SLC9A3: variants seen among roughly 807,000 people sequenced by gnomAD.
SLC9A3 encodes the protein solute carrier family 9 member A3, also known as sodium/hydrogen exchanger 3.
A neutral mutation model predicts 86.8 loss-of-function variants in SLC9A3; 37 were observed. The ratio of observed to expected loss-of-function variants is 0.43; its 90% CI spans 0.33 to 0.56. The LOEUF is 0.56. Among genes scored for constraint, SLC9A3 ranks in the 20% least tolerant of loss-of-function variants. The pLI, the probability that SLC9A3 is intolerant of heterozygous loss-of-function variation, is 0.06. For synonymous variants in SLC9A3, 581 were observed against 528.3 expected (o/e 1.10, Z -1.37); for missense variants, 1,011 against 1,171.9 (o/e 0.86, Z 2.00).
intron 1 of SLC9A3, among the ~76,000 whole-genome samples, chr5:494,940 C>A (rs1739953394): frequency 6.6e-6 from 1 of 152,180 alleles, no homozygotes; most frequent in South Asian, 2.1e-4. Flanking sequence ...CACCTGTCCT[C>A]CTCTTTTCAG....
At position 491,994 on chromosome 5, in the gene SLC9A3, C is replaced by A; in HGVS notation, c.289G>T (p.Gly97Cys). Reference protein sequence around the residue: ...LLIVLGLVLGGIVWAADHIAS... With the variant: ...LLIVLGLVLGCIVWAADHIAS... The stretch of plus-strand genomic sequence containing the variant: ...ATGTGGTCGGCCGCCCAGACGATGC[C>A]GCCCAGCACCAGGCCCAGCACGATG... Residue 97 changes from glycine (G) to cysteine (C), a missense_variant, in exon 2 of 17, where the codon GGC becomes TGC. By Grantham distance (159) the Gly-to-Cys change is radical (BLOSUM62 -3). Around this residue, in one of 3 missense-constraint regions of SLC9A3, gnomAD observed 565 missense variants for 790.0 expected, o/e 0.72. Coordinates refer to ENST00000264938, the MANE Select transcript of SLC9A3 (RefSeq NM_004174.4). This position sits in a 1 kb window ranked among gnomAD's most constrained non-coding sequence, Gnocchi z 9.2. The A allele has an allele frequency of 6.3e-7, 1 of 1,599,978 alleles. No individual in the cohort carries two copies. Among genetic ancestry groups the A allele is most frequent in the South Asian group, 1.1e-5 (1 of 89,436 alleles).
At chr5:485,293 C>A in intron 3 of SLC9A3, 62 bp from the exon 4 acceptor site, 1 of 1,391,374 alleles carries the variant, frequency 7.2e-7, no homozygotes. Context: ...CTCTCCGGGG[C>A]CCGGGCCTCG....
chr5:471,996 C>T lies in SLC9A3; in HGVS notation c.*1383G>A, dbSNP rs934969153. 2.2e-6 allele frequency: 1 copy of T among 456,534 alleles called. No homozygotes were observed. The highest frequency in any genetic ancestry group is 2.0e-5 in the African/African-American group (1 of 50,092). The allele number at this position is 456,534 out of a possible 1,614,324, so 28.3% of individuals were successfully genotyped here. ...ACGTGAATAGTTTAATTTTCCTGAG[C>T]AAGGAGCTGCGAGTCTAGCTTTAGA... On this transcript the variant is annotated 3_prime_UTR_variant, in exon 17 of 17. Transcript: ENST00000264938.
rs1322128665 is a variant in SLC9A3, at chr5:479,775, C to A, written c.1647+61G>T. 8 of 1,590,752 alleles carry A rather than the reference C, an allele frequency of 5.0e-6. No individual in the cohort carries two copies. In the East Asian group the frequency reaches 1.8e-4, roughly 36 times the overall value. ...GGCCTCTCCTCACTGCCCCATGGCA[C>A]CCACAGCCAGTGCCAGAGCCTGCTG... On this transcript the variant is annotated intron_variant, in intron 10 of 16. Coordinates refer to ENST00000264938, the MANE Select transcript of SLC9A3 (RefSeq NM_004174.4).
intron 1 of SLC9A3, among the ~76,000 whole-genome samples, chr5:495,383 C>T (rs1490790877): frequency 6.7e-6 from 1 of 148,736 alleles, no homozygotes; most frequent in South Asian, 2.2e-4. Flanking sequence ...CAGTGCTCCC[C>T]GCGCCATCGC....
intron 1 of SLC9A3, among the ~76,000 whole-genome samples, chr5:516,266 C>A (rs1182869680): frequency 6.6e-6 from 1 of 151,496 alleles, no homozygotes; most frequent in African/African-American, 2.4e-5. Flanking sequence ...AGTGGGATCC[C>A]CACTGCCTAC....
rs1738605329 is a variant in SLC9A3, at chr5:474,798, A to G, written c.2501+85T>C. 4 of 428,876 alleles carry G rather than the reference A, an allele frequency of 9.3e-6. 1 individual carries two copies. Among genetic ancestry groups the G allele is most frequent in the South Asian group, 4.7e-5 (2 of 42,656 alleles). The allele number at this position is 428,876 out of a possible 1,614,324, so 26.6% of individuals were successfully genotyped here. On this transcript the variant is annotated intron_variant, in intron 16 of 16. Coordinates refer to ENST00000264938, the MANE Select transcript of SLC9A3 (RefSeq NM_004174.4). ...GCGGAGAGGGGTTAGGCGGGGAGGG[A>G]GAGAGACAGCGCGCGCGAGGCGGAG...
chr5:520,632 G>A (rs1411048149), intron 1 of SLC9A3, among the ~76,000 whole-genome samples: 2 of 152,148 alleles, frequency 1.3e-5, no homozygotes, highest in African/African-American at 4.8e-5. Flanking sequence ...TCCTCACCAC[G>A]ACGCTAGGTG....
At chr5:486,776 A>G (rs934895111) in intron 3 of SLC9A3, among the ~76,000 whole-genome samples, 1 of 152,216 alleles carries the variant, frequency 6.6e-6, no homozygotes, top group African/African-American at 2.4e-5. Flanking sequence ...ACATTCACGC[A>G]GGGACGGCCA....
intron 1 of SLC9A3, among the ~76,000 whole-genome samples, chr5:494,252 G>A (rs903768981): frequency 2.0e-5 from 3 of 152,376 alleles, no homozygotes; most frequent in East Asian, 3.9e-4. Context: ...CTGGGCTCAC[G>A]GGGCTGGCAG....
At chr5:487,877 A>G (rs1273239485) in intron 3 of SLC9A3, among the ~76,000 whole-genome samples, 4 of 152,150 alleles carry the variant, frequency 2.6e-5, no homozygotes, top group Non-Finnish European at 5.9e-5. Context: ...CATGTTGGCC[A>G]GGCTGGTCTC....
intron 3 of SLC9A3, among the ~76,000 whole-genome samples, chr5:486,990 CCG>C (rs1210498629): frequency 1.1e-4 from 5 of 45,578 alleles, no homozygotes; most frequent in Admixed American, 1.6e-4. Context: ...CTGACACCCA[CCG>C]CACTGACACC....
intron 5 of SLC9A3, 77 bp downstream of exon 5, chr5:484,443 C>G: frequency 7.0e-7 from 1 of 1,420,898 alleles, no homozygotes; most frequent in Non-Finnish European, 9.7e-7. Flanking sequence ...GGCTGGCTCG[C>G]CCTGCCGGAC....
chr5:493,481 C>T (rs545839138), intron 1 of SLC9A3, among the ~76,000 whole-genome samples: 43 of 152,362 alleles, frequency 2.8e-4, no homozygotes, highest in Middle Eastern at 3.4e-3. Context: ...CTTGTAATTA[C>T]GGAGCTCTTG....
rs774406817 is a variant in SLC9A3, at chr5:477,282, C to T, written c.1760+50G>A. ...ACAGCCCTGTCTGTGACTCTCAGCT[C>T]CCGAGGCTGGGCTCTTCCCCAGGGA... On this transcript the variant is annotated intron_variant, in intron 11 of 16. Coordinates refer to ENST00000264938, the MANE Select transcript of SLC9A3 (RefSeq NM_004174.4). The T allele has an allele frequency of 4.5e-6, 6 of 1,346,208 alleles. No individual in the cohort carries two copies. In the East Asian group the frequency reaches 1.2e-4, roughly 26 times the overall value. The allele number at this position is 1,346,208 out of a possible 1,614,324, so 83.4% of individuals were successfully genotyped here.
At chr5:488,926 G>C (rs1372796537) in intron 2 of SLC9A3, among the ~76,000 whole-genome samples, 1 of 152,170 alleles carries the variant, frequency 6.6e-6, no homozygotes, top group Admixed American at 6.5e-5. Context: ...TTGGGGGTGT[G>C]GGGGCAGATT....
intron 2 of SLC9A3, among the ~76,000 whole-genome samples, chr5:489,215 C>T (rs995607785): frequency 3.3e-5 from 5 of 152,324 alleles, no homozygotes; most frequent in South Asian, 2.1e-4. Flanking sequence ...CCCTCTCTCA[C>T]GGCCGCAGGG....
intron 10 of SLC9A3, 129 bp downstream of exon 10, chr5:479,707 G>A (rs998758772): frequency 1.9e-5 from 17 of 906,636 alleles, no homozygotes; most frequent in African/African-American, 8.2e-5. Context: ...TCAGCCTCCC[G>A]TGAACTGCTG....
intron 10 of SLC9A3, 99 bp from the exon 11 acceptor site, chr5:477,543 G>T: frequency 1.3e-6 from 1 of 790,664 alleles, no homozygotes; most frequent in Non-Finnish European, 2.0e-6. Flanking sequence ...TCGGGGCCCG[G>T]GGAAAGCCTT....
Sources: allele counts gnomAD v4.1 joint callset (sites outside exome capture counted in the v4.1 genomes callset), GRCh38; gene constraint gnomAD v4.1.1; regional missense constraint gnomAD v4.1.1; non-coding constraint Gnocchi (gnomAD v3.1); transcripts MANE v1.5; gene names NCBI Gene and HGNC (gene_info 2026-07-23, HGNC 2026-07-21).